The following GNA14 variants were observed in gnomAD, a reference collection of about 807,000 sequenced individuals.
The protein encoded by GNA14 is guanine nucleotide-binding protein subunit alpha-14.
A neutral mutation model predicts 42.0 loss-of-function variants in GNA14; 50 were observed. The ratio of observed to expected loss-of-function variants is 1.19; its 90% CI spans 0.95 to 1.51. The LOEUF is 1.51. Ranked by LOEUF, GNA14 falls within the 40% of genes most tolerant of loss-of-function variation. The pLI is 0.00. For missense variants in GNA14, 473 were observed against 446.2 expected (o/e 1.06, Z -0.54); for synonymous variants, 173 against 163.1 (o/e 1.06, Z -0.46).
chr9:77,431,382 C>T lies in GNA14; in HGVS notation c.532G>A (p.Val178Ile), dbSNP rs765970014. The T allele has an allele frequency of 1.9e-5, 31 of 1,613,440 alleles. No individual in the cohort carries two copies. The highest frequency in any genetic ancestry group is 3.3e-5 in the South Asian group (3 of 91,002). The change falls in exon 4 of 7, where the codon GTC (valine) becomes ATC (isoleucine). Residue 178 changes from valine to isoleucine, a missense_variant. Val to Ile is a conservative substitution (Grantham distance 29, BLOSUM62 3). Transcript: ENST00000341700. ...FVPTQQDVLR[V>I]RVPTTGIIEY... The stretch of plus-strand genomic sequence containing the variant: ...ATGATGCCGGTGGTGGGCACTCGGA[C>T]GCGAAGCACATCTTGTTGGGTAGGC...
At chr9:77,555,481 G>T (rs187434101) in intron 1 of GNA14, among the ~76,000 whole-genome samples, 6 of 152,226 alleles carry the variant, frequency 3.9e-5, no homozygotes, top group East Asian at 3.9e-4. Flanking sequence ...TCCAACCTGG[G>T]TGACAGAGTG....
At chr9:77,587,710 AGT>A (rs1204227414) in intron 1 of GNA14, among the ~76,000 whole-genome samples, 1 of 152,148 alleles carries the variant, frequency 6.6e-6, no homozygotes, top group Non-Finnish European at 1.5e-5. Context: ...TCCTAGATAG[AGT>A]GTTTGCATAG....
At chr9:77,568,770 G>T (rs1823012584) in intron 1 of GNA14, among the ~76,000 whole-genome samples, 1 of 152,158 alleles carries the variant, frequency 6.6e-6, no homozygotes, top group African/African-American at 2.4e-5. Flanking sequence ...GGTTAGTCCT[G>T]CTCATCAACC....
intron 1 of GNA14, among the ~76,000 whole-genome samples, chr9:77,563,515 T>C (rs931962868): frequency 3.9e-5 from 6 of 152,316 alleles, no homozygotes; most frequent in East Asian, 1.9e-4. Flanking sequence ...CGAACCAATA[T>C]TGACCCTAGG....
intron 2 of GNA14, among the ~76,000 whole-genome samples, chr9:77,448,239 C>T (rs1835853902): frequency 6.6e-6 from 1 of 152,202 alleles, no homozygotes; most frequent in Non-Finnish European, 1.5e-5. Context: ...AAAATGTTTG[C>T]TGACCCTGCT....
chr9:77,427,597 G>A (rs553286704), intron 5 of GNA14, among the ~76,000 whole-genome samples: 6 of 152,234 alleles, frequency 3.9e-5, no homozygotes, highest in African/African-American at 1.4e-4. Context: ...AAGTTCAGGG[G>A]AAAAGATGAC....
intron 1 of GNA14, among the ~76,000 whole-genome samples, chr9:77,547,201 T>C (rs1481224614): frequency 6.6e-6 from 1 of 152,228 alleles, no homozygotes; most frequent in Non-Finnish European, 1.5e-5. Context: ...AACCCAACTG[T>C]CTGCTTTGTT....
intron 2 of GNA14, among the ~76,000 whole-genome samples, chr9:77,436,930 C>T (rs550811564): frequency 4.6e-5 from 7 of 152,274 alleles, no homozygotes; most frequent in South Asian, 2.1e-4. Flanking sequence ...GACGGAAGCC[C>T]GTGCAGGTCA....
chr9:77,633,363 G>T (rs1824129050), intron 1 of GNA14, among the ~76,000 whole-genome samples: 1 of 152,070 alleles, frequency 6.6e-6, no homozygotes, highest in Non-Finnish European at 1.5e-5. Flanking sequence ...GCCTAAGAAG[G>T]ATGAGTCTGG....
intron 2 of GNA14, among the ~76,000 whole-genome samples, chr9:77,528,410 A>G (rs946877108): frequency 1.3e-5 from 2 of 152,116 alleles, no homozygotes; most frequent in East Asian, 3.9e-4. Flanking sequence ...GCATTCCAAT[A>G]TACCATATAA....
At chr9:77,635,173 C>G (rs940170213) in intron 1 of GNA14, 1 of 152,156 alleles carries the variant, frequency 6.6e-6, no homozygotes, top group African/African-American at 2.4e-5. Context: ...CACCCCCTCC[C>G]CCACCATTTT....
intron 1 of GNA14, among the ~76,000 whole-genome samples, chr9:77,572,885 A>C (rs2131797277): frequency 6.6e-6 from 1 of 152,292 alleles, no homozygotes; most frequent in Non-Finnish European, 1.5e-5. Context: ...TTGTGGCTTC[A>C]TGGAGATAAT....
chr9:77,434,658 CA>C (rs1157315556), intron 2 of GNA14, 136 bp from the exon 3 acceptor site: 35 of 691,886 alleles, frequency 5.1e-5, no homozygotes, highest in Non-Finnish European at 7.9e-5. Flanking sequence ...GGCACCCTCC[CA>C]GGGGCCGCTC....
chr9:77,445,850 C>T (rs1053895638), intron 2 of GNA14, among the ~76,000 whole-genome samples: 2 of 152,190 alleles, frequency 1.3e-5, no homozygotes, highest in Non-Finnish European at 1.5e-5. Context: ...CCATCTTGTT[C>T]ACTGTCTTGT....
chr9:77,597,625 C>T (rs1317014647), intron 1 of GNA14, among the ~76,000 whole-genome samples: 5 of 150,914 alleles, frequency 3.3e-5, no homozygotes, highest in East Asian at 2.0e-4. Flanking sequence ...AAAGTAATTG[C>T]GGTTTTTGCC....
At chr9:77,501,696 T>C (rs186913295) in intron 2 of GNA14, among the ~76,000 whole-genome samples, 2 of 150,690 alleles carry the variant, frequency 1.3e-5, no homozygotes, top group Admixed American at 1.3e-4. Context: ...TTCTTTGTTG[T>C]TCAGATTGGA....
intron 2 of GNA14, among the ~76,000 whole-genome samples, chr9:77,502,879 T>C (rs986883138): frequency 2.6e-5 from 4 of 152,174 alleles, no homozygotes; most frequent in African/African-American, 9.7e-5. Flanking sequence ...ACTTTGTCTG[T>C]CTTCTAGCTT....
intron 2 of GNA14, among the ~76,000 whole-genome samples, chr9:77,524,312 A>G (rs1837402399): frequency 1.3e-5 from 2 of 152,224 alleles, no homozygotes; most frequent in Non-Finnish European, 1.5e-5. Context: ...TGGCCTGTCA[A>G]GTAATAGGCA....
chr9:77,444,876 C>G (rs1449546177), intron 2 of GNA14, among the ~76,000 whole-genome samples: 1 of 152,208 alleles, frequency 6.6e-6, no homozygotes, highest in Non-Finnish European at 1.5e-5. Context: ...TGGGCACCAG[C>G]AGGCAGACTC....
Sources: gnomAD v4.1 joint callset for allele counts (sites outside exome capture counted in the v4.1 genomes callset) on GRCh38, gnomAD v4.1.1 for gene constraint, MANE v1.5 for transcripts, NCBI Gene and HGNC (gene_info 2026-07-23, HGNC 2026-07-21) for gene names.